CTRC: variants seen among roughly 807,000 people sequenced by gnomAD.
CTRC encodes the protein chymotrypsin-C.
In CTRC, 32 loss-of-function variants were observed where a neutral mutation model predicts 35.7. That is an observed-to-expected ratio of 0.90 (90% CI 0.68 to 1.20). The LOEUF is 1.20. CTRC is among the 50% of genes most tolerant of loss of function. CTRC has a pLI of 0.00. For synonymous variants in CTRC, 119 were observed against 149.5 expected, an observed-to-expected ratio of 0.80 and a Z score of 1.49; for missense variants, 324 against 361.5, an observed-to-expected ratio of 0.90 and a Z score of 0.84.
Position 15,442,316 on chromosome 1 carries a change from C to A in CTRC, c.231-131C>A, listed in dbSNP as rs899722114. On this transcript the variant is annotated intron_variant, in intron 3 of 7. Coordinates refer to ENST00000375949, the MANE Select transcript of CTRC (RefSeq NM_007272.3). Reference sequence around the variant, plus strand: ...CCCAAGTCCCAGGCCCTTCCCCTCACCCTGGGAAAGGACAATGGGAACACT... The same window carrying A: ...CCCAAGTCCCAGGCCCTTCCCCTCAACCTGGGAAAGGACAATGGGAACACT... The A allele has an allele frequency of 6.4e-5, 78 of 1,222,538 alleles. No individual in the cohort carries two copies. In the Admixed American group the frequency reaches 1.6e-3, roughly 24 times the overall value. The allele number at this position is 1,222,538 out of a possible 1,614,324, so 75.7% of individuals were successfully genotyped here.
At chr1:15,443,208 AGCTATGTCAACAGTGCGG>A (rs1570784303) in intron 4 of CTRC, among the ~76,000 whole-genome samples, 193 bp from the exon 5 acceptor site, 1 of 152,168 alleles carries the variant, frequency 6.6e-6, no homozygotes, top group East Asian at 1.9e-4. Flanking sequence ...TGTGAGAAGA[AGCTATGTCAACAGTGCGG>A]GTGATCATGT....
In CTRC at chr1:15,446,759, C is replaced by T. The variant is rs997216231; in HGVS notation, c.*170C>T. ...GAGACCCCACTCAGCCAGTTTCCCC[C>T]ACCCTGCATTAGACAGGTGGGGAAA... On this transcript the variant is annotated 3_prime_UTR_variant, in exon 8 of 8. Coordinates refer to ENST00000375949, the MANE Select transcript of CTRC (RefSeq NM_007272.3). 22 of 786,552 alleles carry T rather than the reference C, an allele frequency of 2.8e-5. No homozygotes were observed. In the African/African-American group the frequency reaches 3.1e-4, roughly 11 times the overall value. The allele number at this position is 786,552 out of a possible 1,614,324, so 48.7% of individuals were successfully genotyped here. A position where few individuals can be genotyped will look rare whatever the true frequency, so the allele number is the denominator to read the frequency against.
At position 15,445,864 on chromosome 1, in the gene CTRC, A is replaced by G. The variant is rs1339192854; in HGVS notation, c.792+115A>G. The G allele has an allele frequency of 4.8e-6, 6 of 1,253,942 alleles. No individual in the cohort carries two copies. In the East Asian group the frequency reaches 1.2e-4, roughly 25 times the overall value. 77.7% of individuals were successfully genotyped at this position (1,253,942 alleles called of 1,614,324 possible). On this transcript the variant is annotated intron_variant, in intron 7 of 7. Transcript: ENST00000375949. ...TATTCATTCATTCATTTATTCACTC[A>G]TTCATGCATTTATTCACTCATTCAT... is the stretch of plus-strand genomic sequence containing the variant.
intron 1 of CTRC, 68 bp from the exon 2 acceptor site, chr1:15,440,232 C>CCCCCCCCCCCCCTCCCCCCTGGG: frequency 1.8e-6 from 1 of 571,086 alleles, no homozygotes; most frequent in Non-Finnish European, 3.4e-6. Flanking sequence ...ACCTGCCCAC[C>CCCCCCCCCCCCCTCCCCCCTGGG]CTCCCACCCC....
At position 15,446,998 on chromosome 1, in the gene CTRC, G is replaced by A. The variant is rs966696468; in HGVS notation, c.*409G>A. 3.0e-6 allele frequency: 1 copy of A among 333,894 alleles called. No individual in the cohort carries two copies. The highest frequency in any genetic ancestry group is 5.8e-6 in the Non-Finnish European group (1 of 171,170). 20.7% of individuals were successfully genotyped at this position (333,894 alleles called of 1,614,324 possible). ...TCTCCGATCCTACCTCCACCGAGGGGCCTGGCAGGTCCTCACAGCCCCCCA... is the reference window on the plus strand; with the variant it reads ...TCTCCGATCCTACCTCCACCGAGGGACCTGGCAGGTCCTCACAGCCCCCCA... On this transcript the variant is annotated 3_prime_UTR_variant, in exon 8 of 8. Coordinates refer to ENST00000375949, the MANE Select transcript of CTRC (RefSeq NM_007272.3).
chr1:15,444,279 A>G (rs372486273), intron 5 of CTRC, among the ~76,000 whole-genome samples: 1 of 152,002 alleles, frequency 6.6e-6, no homozygotes, highest in African/African-American at 2.4e-5. Context: ...AAAGAAAGAG[A>G]AATAGAAAAT....
chr1:15,440,443 G>T, intron 2 of CTRC, 50 bp from the exon 3 acceptor site: 1 of 1,612,314 alleles, frequency 6.2e-7, no homozygotes, highest in Non-Finnish European at 8.5e-7. Flanking sequence ...GCGGGGTGAG[G>T]GTCCCAGGGA....
rs1708213053 is a variant in CTRC, at chr1:15,445,929, TG to T, written c.792+181del. 2.7e-5 allele frequency among the ~76,000 whole-genome samples: 4 copies of T among 150,846 alleles called. No homozygotes were observed. In the Middle Eastern group the frequency reaches 0.01, roughly 385 times the overall value. On this transcript the variant is annotated intron_variant, in intron 7 of 7. Transcript: ENST00000375949. ...ATTCACTTATTCAGTCACTCATTCA[TG>T]TATTTATTCATTTATTCATTCACTC...
In CTRC at chr1:15,445,724, C is replaced by G. The variant is rs772573958; in HGVS notation, c.767C>G (p.Ser256Cys). The change falls in exon 7 of 8, where the codon TCC becomes TGC. Residue 256 changes from serine (S) to cysteine (C), a missense_variant. Ser to Cys is a moderately radical substitution (Grantham distance 112). Coordinates refer to ENST00000375949, the MANE Select transcript of CTRC (RefSeq NM_007272.3). ...AAGCCGGTAGTCTACACCCGGGTGT[C>G]CGCCTACATCGACTGGATCAACGAG... ...RKKPVVYTRV[S>C]AYIDWINEKM... 11 of 1,614,178 alleles carry G rather than the reference C, an allele frequency of 6.8e-6. No individual in the cohort carries two copies. In the Admixed American group the frequency reaches 1.8e-4, roughly 27 times the overall value.
chr1:15,440,081 A>G (rs1708102753), intron 1 of CTRC, among the ~76,000 whole-genome samples: 1 of 152,062 alleles, frequency 6.6e-6, no homozygotes, highest in Non-Finnish European at 1.5e-5. Flanking sequence ...TTCAGTTCTC[A>G]GGGCAAACTC....
intron 7 of CTRC, 119 bp from the exon 8 acceptor site, chr1:15,446,456 A>T: frequency 1.0e-6 from 1 of 980,362 alleles, no homozygotes; most frequent in South Asian, 1.3e-5. Flanking sequence ...CAAGGCTGGC[A>T]TGTGAAGGCC....
intron 1 of CTRC, among the ~76,000 whole-genome samples, chr1:15,440,031 C>T (rs541110836): frequency 2.0e-4 from 31 of 152,320 alleles, no homozygotes; most frequent in African/African-American, 6.0e-4. Flanking sequence ...TGTGAGCCAC[C>T]GTGCCCGGCC....
In CTRC at chr1:15,447,061, T is replaced by A. The variant is rs1481684552; in HGVS notation, c.*472T>A. 6.7e-6 allele frequency: 2 copies of A among 298,190 alleles called. No individual in the cohort carries two copies. The highest frequency in any genetic ancestry group is 1.3e-5 in the Non-Finnish European group (2 of 152,212). 18.5% of individuals were successfully genotyped at this position (298,190 alleles called of 1,614,324 possible). ...AGACAGGGTCTCCCCAAAAGCAGCG[T>A]CCCCCAGGCCAGAGAGACCAGGCCA... is the stretch of plus-strand genomic sequence containing the variant. On this transcript the variant is annotated 3_prime_UTR_variant, in exon 8 of 8. Coordinates refer to ENST00000375949, the MANE Select transcript of CTRC (RefSeq NM_007272.3).
At position 15,438,581 on chromosome 1, in the gene CTRC, T is replaced by TC. The variant is rs1708077541; in HGVS notation, c.40+77_40+78insC. 7.2e-6 allele frequency: 11 copies of TC among 1,517,726 alleles called. No homozygotes were observed. In the East Asian group the frequency reaches 2.2e-4, roughly 31 times the overall value. 94.0% of individuals were successfully genotyped at this position (1,517,726 alleles called of 1,614,324 possible). On this transcript the variant is annotated intron_variant, in intron 1 of 7. Transcript: ENST00000375949. ...TCCAGGGCAAGGACGGGATGGGGAG[T>TC]GGGGGGGCCTCTGCTCTCCAGGTAA...
In CTRC at chr1:15,449,141, G is replaced by C. The variant is rs192529290; in HGVS notation, c.*2552G>C. The C allele has an allele frequency of 6.6e-6, 1 of 152,262 alleles. No homozygotes were observed. The highest frequency in any genetic ancestry group is 2.4e-5 in the African/African-American group (1 of 41,552). 9.4% of individuals were successfully genotyped at this position (152,262 alleles called of 1,614,324 possible). On this transcript the variant is annotated 3_prime_UTR_variant, in exon 8 of 8. Coordinates refer to ENST00000375949, the MANE Select transcript of CTRC (RefSeq NM_007272.3). ...GTGGAGCCGGAATCCAGACTTTAGT[G>C]ATCTGACTCCAGGGCCTGTGCTCTT...
In CTRC at chr1:15,445,768, G is replaced by A; in HGVS notation, c.792+19G>A. ...CAACGAGGTGGGTGCTGCCTCCACA[G>A]CTGTCCCTGCACCTGTCAGCCCCTC... On this transcript the variant is annotated intron_variant, in intron 7 of 7. Transcript: ENST00000375949. 1 of 1,613,642 alleles carries A rather than the reference G, an allele frequency of 6.2e-7. No homozygotes were observed.
chr1:15,444,898 C>A (rs1708193613), intron 6 of CTRC, 147 bp downstream of exon 6: 4 of 931,628 alleles, frequency 4.3e-6, no homozygotes, highest in Non-Finnish European at 5.1e-6. Context: ...AAGCCCATCA[C>A]CCCCCATCAC....
At chr1:15,442,604 T>G in intron 4 of CTRC, 32 bp downstream of exon 4, 1 of 1,613,140 alleles carries the variant, frequency 6.2e-7, no homozygotes, top group Non-Finnish European at 8.5e-7. Flanking sequence ...CCACAGCCAC[T>G]GGGGGCAGTG....
Position 15,447,133 on chromosome 1 carries a change from C to A in CTRC, c.*544C>A. 4.2e-6 allele frequency: 1 copy of A among 237,416 alleles called. No homozygotes were observed. Among genetic ancestry groups the A allele is most frequent in the Non-Finnish European group, 8.4e-6 (1 of 119,606 alleles). 14.7% of individuals were successfully genotyped at this position (237,416 alleles called of 1,614,324 possible). ...GGGACAACCACTCCTGGGGAAGGGG[C>A]TCCCTAGCAGGGACCCCCCACCCCC... On this transcript the variant is annotated 3_prime_UTR_variant, in exon 8 of 8. Coordinates refer to ENST00000375949, the MANE Select transcript of CTRC (RefSeq NM_007272.3).
Sources: allele counts gnomAD v4.1 joint callset (sites outside exome capture counted in the v4.1 genomes callset), GRCh38; gene constraint gnomAD v4.1.1; transcripts MANE v1.5; gene names NCBI Gene and HGNC (gene_info 2026-07-23, HGNC 2026-07-21).